The following TMEM117 variants were observed in gnomAD, a reference collection of about 807,000 sequenced individuals.
TMEM117 encodes the protein transmembrane protein 117.
TMEM117 carries 27 observed loss-of-function variants against 52.4 expected under a neutral mutation model. That is an observed-to-expected ratio of 0.51 (90% CI 0.38 to 0.71). The LOEUF is 0.71. TMEM117 is among the 30% of genes least tolerant of loss of function. TMEM117 has a pLI of 0.00. For missense variants in TMEM117, 556 were observed against 630.5 expected, an observed-to-expected ratio of 0.88 and a Z score of 1.26; for synonymous variants, 215 against 206.3, an observed-to-expected ratio of 1.04 and a Z score of -0.36.
chr12:44,284,302 C>T (rs1249827318), intron 5 of TMEM117, among the ~76,000 whole-genome samples: 1 of 151,956 alleles, frequency 6.6e-6, no homozygotes, highest in Non-Finnish European at 1.5e-5. Context: ...CACAGCGAGA[C>T]TCCGTCTCAA....
At position 44,211,271 on chromosome 12, in the gene TMEM117, G is replaced by A; in HGVS notation, c.511-19G>A. On this transcript the variant is annotated intron_variant, in intron 4 of 7. Coordinates refer to ENST00000266534, the MANE Select transcript of TMEM117 (RefSeq NM_032256.3). ...TAAGATTTCTGAAAGTGCTGAATAA[G>A]TTCCTTTCATTGCTTCAGGTCACTG... is the stretch of plus-strand genomic sequence containing the variant. 1 of 1,543,554 alleles carries A rather than the reference G, an allele frequency of 6.5e-7. No homozygotes were observed. The highest frequency in any genetic ancestry group is 8.9e-7 in the Non-Finnish European group (1 of 1,119,420).
At chr12:44,143,761 A>G (rs1592554173) in intron 4 of TMEM117, 137 bp downstream of exon 4, 1 of 615,356 alleles carries the variant, frequency 1.6e-6, no homozygotes, top group Middle Eastern at 3.1e-4. Context: ...GAGTAAAGAT[A>G]ATTCCAGAGA....
At chr12:44,168,868 C>T (rs947295839) in intron 4 of TMEM117, among the ~76,000 whole-genome samples, 9 of 152,092 alleles carry the variant, frequency 5.9e-5, no homozygotes, top group Non-Finnish European at 1.3e-4. Context: ...TCTTTTTATC[C>T]TCCCCTCAGC....
chr12:44,219,617 C>T (rs1362223065), intron 5 of TMEM117, among the ~76,000 whole-genome samples: 1 of 152,040 alleles, frequency 6.6e-6, no homozygotes, highest in Non-Finnish European at 1.5e-5. Context: ...GGCTTAATTT[C>T]TTTAAAACAT....
Position 44,294,206 on chromosome 12 carries a change from C to CT in TMEM117, c.609-5370dup, listed in dbSNP as rs1451567135. On this transcript the variant is annotated intron_variant, in intron 5 of 7. Coordinates refer to ENST00000266534, the MANE Select transcript of TMEM117 (RefSeq NM_032256.3). ...GGGTACCCTTCTTTGTGATGAGTCT[C>CT]TTTTCCCTTGCTGCTTTAAAGTTTC... Among the ~76,000 whole-genome samples the CT allele has an allele frequency of 6.6e-5, 10 of 152,104 alleles. No individual in the cohort carries two copies. The East Asian group carries it at 1.9e-3, about 29-fold the overall frequency.
chr12:44,397,262 C>T, the TMEM117 span, among the ~76,000 whole-genome samples: 1 of 152,160 alleles, frequency 6.6e-6, no homozygotes, highest in South Asian at 2.1e-4. Context: ...TCTTCTTCTA[C>T]TAGAGCTTTT....
chr12:44,366,940 A>C (rs536070848), intron 6 of TMEM117, among the ~76,000 whole-genome samples: 3 of 152,292 alleles, frequency 2.0e-5, no homozygotes, highest in African/African-American at 7.2e-5. Context: ...TACTGACCAA[A>C]GAGAATAGAT....
chr12:43,970,846 C>T (rs528205536), intron 3 of TMEM117, among the ~76,000 whole-genome samples: 1 of 152,140 alleles, frequency 6.6e-6, no homozygotes, highest in South Asian at 2.1e-4. Flanking sequence ...ACCTTTCTAG[C>T]TTGATTCACT....
At chr12:43,867,576 T>A (rs1360474385) in intron 2 of TMEM117, among the ~76,000 whole-genome samples, 1 of 151,834 alleles carries the variant, frequency 6.6e-6, no homozygotes, top group Non-Finnish European at 1.5e-5. Flanking sequence ...ATATAGTGTT[T>A]ATAAATGATG....
chr12:44,344,887 T>A (rs1244103418), intron 6 of TMEM117, among the ~76,000 whole-genome samples: 1 of 151,750 alleles, frequency 6.6e-6, no homozygotes, highest in Admixed American at 6.6e-5. Context: ...GATTGCAGGG[T>A]CTCTTATGCC....
intron 2 of TMEM117, among the ~76,000 whole-genome samples, chr12:43,860,257 C>T (rs1592313215): frequency 6.6e-6 from 1 of 151,966 alleles, no homozygotes; most frequent in Non-Finnish European, 1.5e-5. Flanking sequence ...GGATCATGCT[C>T]ATTAATTTGT....
intron 3 of TMEM117, among the ~76,000 whole-genome samples, chr12:43,969,575 C>G (rs1945547972): frequency 6.6e-6 from 1 of 151,922 alleles, no homozygotes; most frequent in Non-Finnish European, 1.5e-5. Flanking sequence ...TATGAAAACC[C>G]TTGGAGGCTT....
At chr12:44,160,452 G>A (rs192317900) in intron 4 of TMEM117, among the ~76,000 whole-genome samples, 1 of 152,192 alleles carries the variant, frequency 6.6e-6, no homozygotes, top group South Asian at 2.1e-4. Flanking sequence ...TTAAAAATTT[G>A]ATTTGTATAT....
At chr12:44,092,343 A>C (rs1947687627) in intron 3 of TMEM117, among the ~76,000 whole-genome samples, 1 of 152,180 alleles carries the variant, frequency 6.6e-6, no homozygotes, top group African/African-American at 2.4e-5. Flanking sequence ...TTCCTTTCAA[A>C]AAGCAAAGCA....
chr12:44,022,859 A>C (rs185001572), intron 3 of TMEM117, among the ~76,000 whole-genome samples: 2 of 152,272 alleles, frequency 1.3e-5, no homozygotes, highest in East Asian at 3.9e-4. Flanking sequence ...TGAATTTAAA[A>C]GGAAAACAAG....
intron 6 of TMEM117, among the ~76,000 whole-genome samples, chr12:44,339,924 T>C (rs1008627577): frequency 1.3e-5 from 2 of 151,858 alleles, no homozygotes; most frequent in Admixed American, 1.3e-4. Context: ...ACATTTAAAG[T>C]GAAGAAATAT....
At chr12:44,260,442 T>G (rs1024267574) in intron 5 of TMEM117, among the ~76,000 whole-genome samples, 2 of 152,184 alleles carry the variant, frequency 1.3e-5, no homozygotes, top group African/African-American at 4.8e-5. Context: ...ATGCTGTAAT[T>G]CATACTTACA....
intron 3 of TMEM117, among the ~76,000 whole-genome samples, chr12:43,993,705 A>T (rs530384612): frequency 3.0e-4 from 46 of 151,922 alleles, no homozygotes; most frequent in African/African-American, 1.0e-3. Context: ...TCTTTTTTCT[A>T]TTTTTTTGAG....
chr12:44,281,951 T>C (rs1370178639), intron 5 of TMEM117, among the ~76,000 whole-genome samples: 1 of 152,166 alleles, frequency 6.6e-6, no homozygotes, highest in Non-Finnish European at 1.5e-5. Context: ...TCAACTTGAG[T>C]TGTAGCTCCT....
Sources: gnomAD v4.1 joint callset for allele counts (sites outside exome capture counted in the v4.1 genomes callset) on GRCh38, gnomAD v4.1.1 for gene constraint, MANE v1.5 for transcripts, NCBI Gene and HGNC (gene_info 2026-07-23, HGNC 2026-07-21) for gene names.